Variants in CTNNA2 observed in about 807,000 individuals in gnomAD.
CTNNA2 encodes catenin alpha 2.
CTNNA2 carries 42 observed loss-of-function variants against 101.0 expected under a neutral mutation model. The observed-to-expected ratio is 0.42, with a 90% CI of 0.32 to 0.54. The LOEUF (loss-of-function observed/expected upper bound fraction) is 0.54, where lower values mean the gene tolerates loss of function less well. Ranked by LOEUF, CTNNA2 falls within the 20% of genes least tolerant of loss-of-function variation. The pLI is 0.14. For missense variants in CTNNA2, 871 were observed against 1,223.1 expected (o/e 0.71, Z 4.29); for synonymous variants, 450 against 456.4 (o/e 0.99, Z 0.18).
At chr2:80,021,957 C>T (rs979294221) in intron 7 of CTNNA2, among the ~76,000 whole-genome samples, 1 of 152,156 alleles carries the variant, frequency 6.6e-6, no homozygotes, top group African/African-American at 2.4e-5. Context: ...CTACAGTTTA[C>T]AATAGTGAAC....
chr2:79,491,382 T>C (rs1558680257), intron 4 of CTNNA2, among the ~76,000 whole-genome samples: 1 of 152,222 alleles, frequency 6.6e-6, no homozygotes, highest in Non-Finnish European at 1.5e-5. Flanking sequence ...TTGAAGAGTA[T>C]ATACCATCTT....
intron 6 of CTNNA2, among the ~76,000 whole-genome samples, chr2:79,881,030 T>G (rs2104115785): frequency 6.6e-6 from 1 of 152,306 alleles, no homozygotes; most frequent in South Asian, 2.1e-4. Flanking sequence ...TGCTCTTTGG[T>G]TTCAAAGAAC....
chr2:80,081,393 G>A (rs977596292), intron 7 of CTNNA2, among the ~76,000 whole-genome samples: 5 of 151,932 alleles, frequency 3.3e-5, no homozygotes, highest in Admixed American at 1.3e-4. Context: ...GGCTGTTTTC[G>A]TTATCTGATG....
At chr2:79,962,444 G>A (rs1220537082) in intron 7 of CTNNA2, among the ~76,000 whole-genome samples, 4 of 152,126 alleles carry the variant, frequency 2.6e-5, no homozygotes, top group African/African-American at 9.7e-5. Context: ...AATTTTGGAG[G>A]GATACGAACA....
chr2:80,620,294 G>A (rs1670979626), intron 18 of CTNNA2, among the ~76,000 whole-genome samples: 1 of 149,822 alleles, frequency 6.7e-6, no homozygotes, highest in Non-Finnish European at 1.5e-5. Flanking sequence ...GGCTAGCCAT[G>A]ATGAACATTT....
chr2:80,202,792 A>G (rs1256759824), intron 7 of CTNNA2, among the ~76,000 whole-genome samples: 1 of 152,126 alleles, frequency 6.6e-6, no homozygotes, highest in Non-Finnish European at 1.5e-5. Context: ...ATTGGCTTTT[A>G]AAGACTTTTT....
intron 7 of CTNNA2, among the ~76,000 whole-genome samples, chr2:80,253,910 T>C (rs560687303): frequency 2.6e-4 from 40 of 152,282 alleles, no homozygotes; most frequent in African/African-American, 9.6e-4. Context: ...ATGTATATTC[T>C]CAAACATTTT....
At chr2:80,326,665 G>T (rs1389971501) in intron 7 of CTNNA2, among the ~76,000 whole-genome samples, 6 of 151,888 alleles carry the variant, frequency 4.0e-5, no homozygotes, top group African/African-American at 7.3e-5. Flanking sequence ...AAAAGAGAGG[G>T]GGAGAAGATA....
intron 1 of CTNNA2, among the ~76,000 whole-genome samples, chr2:79,529,910 C>G (rs559628402): frequency 6.6e-6 from 1 of 151,720 alleles, no homozygotes; most frequent in Non-Finnish European, 1.5e-5. Flanking sequence ...CGGGACATTC[C>G]TTGGTGGACT....
At chr2:80,380,930 T>C (rs542679376) in intron 7 of CTNNA2, among the ~76,000 whole-genome samples, 41 of 152,290 alleles carry the variant, frequency 2.7e-4, no homozygotes, top group Non-Finnish European at 5.3e-4. Flanking sequence ...ATGTGAGACA[T>C]GTGTTCCAGG....
intron 7 of CTNNA2, among the ~76,000 whole-genome samples, chr2:80,208,398 G>A (rs1325127130): frequency 6.6e-6 from 1 of 152,186 alleles, no homozygotes; most frequent in Non-Finnish European, 1.5e-5. Context: ...AATGTTTGAG[G>A]TAGGAGAGCT....
intron 3 of CTNNA2, among the ~76,000 whole-genome samples, chr2:79,807,587 T>C (rs1676677228): frequency 6.6e-6 from 1 of 152,188 alleles, no homozygotes; most frequent in Non-Finnish European, 1.5e-5. Flanking sequence ...TTTTATTCAG[T>C]GTTCAAACAT....
At chr2:80,163,936 TC>T (rs148386429) in intron 7 of CTNNA2, among the ~76,000 whole-genome samples, 1,697 of 151,860 alleles carry the variant, frequency 0.011, 35 homozygotes, top group African/African-American at 0.037. Flanking sequence ...CTGCTTTTTT[TC>T]ATTAATAATA....
intron 3 of CTNNA2, among the ~76,000 whole-genome samples, chr2:79,335,025 C>T (rs1181966106): frequency 1.3e-5 from 2 of 152,162 alleles, no homozygotes; most frequent in Non-Finnish European, 2.9e-5. Context: ...TCAACCCACA[C>T]CCATTCAGGA....
intron 13 of CTNNA2, chr2:80,575,301 G>T (rs1163054919): frequency 6.6e-6 from 1 of 152,102 alleles, no homozygotes; most frequent in Admixed American, 6.6e-5. Flanking sequence ...AAAGCAAAAA[G>T]ATGAAATTAA....
chr2:79,213,804 G>C (rs1421983252), intron 2 of CTNNA2, among the ~76,000 whole-genome samples: 1 of 152,134 alleles, frequency 6.6e-6, no homozygotes, highest in African/African-American at 2.4e-5. Flanking sequence ...CCAGGAAGCA[G>C]AAAGTATATG....
intron 2 of CTNNA2, among the ~76,000 whole-genome samples, chr2:79,276,582 A>G (rs1357397361): frequency 6.6e-6 from 1 of 152,018 alleles, no homozygotes; most frequent in Non-Finnish European, 1.5e-5. Context: ...ATTTACCTGA[A>G]TACCTTTCAT....
At chr2:79,320,306 GC>G (rs1184430181) in intron 3 of CTNNA2, among the ~76,000 whole-genome samples, 1 of 145,046 alleles carries the variant, frequency 6.9e-6, no homozygotes, top group Non-Finnish European at 1.5e-5. Flanking sequence ...GAAGAAAATG[GC>G]AGTTTCAGAA....
At chr2:79,272,139 T>A (rs1675098326) in intron 2 of CTNNA2, among the ~76,000 whole-genome samples, 1 of 152,054 alleles carries the variant, frequency 6.6e-6, no homozygotes, top group Admixed American at 6.6e-5. Context: ...ACCCCTTTTA[T>A]AAAGTTGGTG....
Sources: allele counts gnomAD v4.1 joint callset (sites outside exome capture counted in the v4.1 genomes callset), GRCh38; gene constraint gnomAD v4.1.1; transcripts MANE v1.5; gene names NCBI Gene and HGNC (gene_info 2026-07-23, HGNC 2026-07-21).